Variants in LRFN5 observed in about 807,000 individuals in gnomAD.
LRFN5 encodes the protein leucine-rich repeat and fibronectin type-III domain-containing protein 5.
LRFN5 carries 24 observed loss-of-function variants against 45.6 expected under a neutral mutation model. The observed-to-expected ratio is 0.53, with a 90% CI of 0.38 to 0.74. The LOEUF (loss-of-function observed/expected upper bound fraction) is 0.74, where lower values mean the gene tolerates loss of function less well. Ranked by LOEUF, LRFN5 falls within the 30% of genes least tolerant of loss-of-function variation. The pLI is 0.00. For synonymous variants in LRFN5, 340 were observed against 313.8 expected (o/e 1.08, Z -0.88); for missense variants, 776 against 861.5 (o/e 0.90, Z 1.24).
chr14:41,873,035 A>G (rs1304791364), intron 2 of LRFN5, among the ~76,000 whole-genome samples: 2 of 152,196 alleles, frequency 1.3e-5, no homozygotes, highest in Non-Finnish European at 2.9e-5. Flanking sequence ...TTGATGTAGC[A>G]TTGTTCACCC....
chr14:41,852,622 T>C (rs1418408537), intron 2 of LRFN5, among the ~76,000 whole-genome samples: 1 of 151,930 alleles, frequency 6.6e-6, no homozygotes, highest in Non-Finnish European at 1.5e-5. Flanking sequence ...TCTGTAGTTA[T>C]TTTATCTTTT....
intron 1 of LRFN5, among the ~76,000 whole-genome samples, chr14:41,736,382 T>G (rs1358511264): frequency 6.6e-6 from 1 of 152,228 alleles, no homozygotes; most frequent in Admixed American, 6.5e-5. Flanking sequence ...TAAAATAAGT[T>G]TGTTGACCTC....
In LRFN5 at chr14:41,607,035, G is replaced by A. The variant is rs1258416783; in HGVS notation, c.-1724G>A. On this transcript the variant is annotated 5_prime_UTR_variant, in exon 1 of 6. Transcript: ENST00000298119. ...CGGCTGCTTGCCTCGCGCCTGAACT[G>A]CGGACTCGCCCCAGCGCGGTGGCCA... Among the ~76,000 whole-genome samples the A allele has an allele frequency of 6.6e-6, 1 of 152,126 alleles. No homozygotes were observed. The highest frequency in any genetic ancestry group is 1.5e-5 in the Non-Finnish European group (1 of 67,994).
At chr14:41,752,519 T>A (rs1885180805) in intron 1 of LRFN5, among the ~76,000 whole-genome samples, 1 of 152,234 alleles carries the variant, frequency 6.6e-6, no homozygotes, top group Non-Finnish European at 1.5e-5. Context: ...TGGCCAGTGA[T>A]GATGAGCATT....
intron 1 of LRFN5, among the ~76,000 whole-genome samples, chr14:41,709,538 A>C (rs1193988155): frequency 6.6e-6 from 1 of 151,896 alleles, no homozygotes; most frequent in African/African-American, 2.4e-5. Context: ...ATATTTTCCT[A>C]GTCATATTTT....
At chr14:41,755,807 T>G (rs1002591471) in intron 1 of LRFN5, among the ~76,000 whole-genome samples, 4 of 152,206 alleles carry the variant, frequency 2.6e-5, no homozygotes, top group East Asian at 1.9e-4. Flanking sequence ...ATCCTGTCAT[T>G]ATGATGTTAG....
intron 1 of LRFN5, among the ~76,000 whole-genome samples, chr14:41,704,502 T>A (rs375800210): frequency 1.4e-5 from 2 of 147,254 alleles, no homozygotes; most frequent in African/African-American, 5.2e-5. Context: ...CAGGCTGCAG[T>A]GCATTGGCTA....
chr14:41,864,896 T>G (rs2139105458), intron 2 of LRFN5, among the ~76,000 whole-genome samples: 1 of 152,138 alleles, frequency 6.6e-6, no homozygotes, highest in East Asian at 1.9e-4. Flanking sequence ...CATTGTACCT[T>G]ATTTTATATG....
chr14:41,689,162 T>TC (rs1277296338), intron 1 of LRFN5, among the ~76,000 whole-genome samples: 1 of 151,888 alleles, frequency 6.6e-6, no homozygotes, highest in Non-Finnish European at 1.5e-5. Flanking sequence ...AAGAAAGCTC[T>TC]CCAATCAATA....
intron 1 of LRFN5, among the ~76,000 whole-genome samples, chr14:41,721,449 G>A (rs568032851): frequency 2.0e-5 from 3 of 152,182 alleles, no homozygotes; most frequent in Non-Finnish European, 2.9e-5. Context: ...CTATTGTGTC[G>A]TTGCCTTATA....
At chr14:41,720,521 G>T (rs61990343) in intron 1 of LRFN5, among the ~76,000 whole-genome samples, 25,507 of 151,958 alleles carry the variant, frequency 0.17, 2,317 homozygotes, top group Non-Finnish European at 0.22. Flanking sequence ...GGTGTTTAGG[G>T]TTATAAACTT....
intron 1 of LRFN5, among the ~76,000 whole-genome samples, chr14:41,629,875 G>C (rs969420901): frequency 2.0e-5 from 3 of 152,086 alleles, no homozygotes; most frequent in Admixed American, 6.6e-5. Flanking sequence ...TTTTTTCTGA[G>C]AGCCTTACTT....
chr14:41,646,287 C>T (rs1017629458), intron 1 of LRFN5, among the ~76,000 whole-genome samples: 6 of 152,126 alleles, frequency 3.9e-5, no homozygotes, highest in African/African-American at 1.4e-4. Context: ...TGTTATGTTT[C>T]ATCATGTATA....
At chr14:41,889,290 G>T (rs1890699778) in intron 3 of LRFN5, among the ~76,000 whole-genome samples, 1 of 151,670 alleles carries the variant, frequency 6.6e-6, no homozygotes, top group Non-Finnish European at 1.5e-5. Context: ...CTAGTCATGT[G>T]ATCAGCTCAG....
chr14:41,853,280 C>G (rs2139079924), intron 2 of LRFN5, among the ~76,000 whole-genome samples: 1 of 152,012 alleles, frequency 6.6e-6, no homozygotes, highest in East Asian at 1.9e-4. Context: ...GCTAATAGTT[C>G]TCAGCTCTGT....
chr14:41,673,855 C>T (rs1329163579), intron 1 of LRFN5, among the ~76,000 whole-genome samples: 7 of 147,780 alleles, frequency 4.7e-5, no homozygotes, highest in Admixed American at 4.7e-4. Flanking sequence ...GGGCTGAACC[C>T]CCTACCTCCC....
At chr14:41,813,729 A>C (rs1012433799) in intron 2 of LRFN5, among the ~76,000 whole-genome samples, 1 of 152,158 alleles carries the variant, frequency 6.6e-6, no homozygotes, top group Admixed American at 6.5e-5. Context: ...GGCTGGGTCA[A>C]ATGATATTTC....
intron 1 of LRFN5, among the ~76,000 whole-genome samples, chr14:41,628,580 G>A (rs1594563383): frequency 2.6e-5 from 4 of 151,530 alleles, no homozygotes; most frequent in African/African-American, 7.3e-5. Flanking sequence ...CTCCAGCCTC[G>A]GCAATAGAAT....
At chr14:41,735,729 A>T (rs900776817) in intron 1 of LRFN5, among the ~76,000 whole-genome samples, 2 of 152,008 alleles carry the variant, frequency 1.3e-5, no homozygotes, top group Non-Finnish European at 2.9e-5. Context: ...GACATTAGGT[A>T]TTTCTCCTAA....
Sources: allele counts gnomAD v4.1 joint callset (sites outside exome capture counted in the v4.1 genomes callset), GRCh38; gene constraint gnomAD v4.1.1; transcripts MANE v1.5; gene names NCBI Gene and HGNC (gene_info 2026-07-23, HGNC 2026-07-21).